Variants in EXOC1L observed in about 807,000 individuals in gnomAD.
The protein encoded by EXOC1L is exocyst complex component 1-like.
Under a neutral mutation model 4.9 loss-of-function variants are expected in EXOC1L, and 10 were observed. That is an observed-to-expected ratio of 2.02 (90% CI 1.25 to 3.43). The LOEUF (loss-of-function observed/expected upper bound fraction) is 3.43. Ranked by LOEUF, EXOC1L falls within the 30% of genes most tolerant of loss-of-function variation. The probability of loss-of-function intolerance (pLI) is 0.00; values close to 1 mark genes in which losing one functional copy is unlikely to be tolerated. For missense variants in EXOC1L, 114 were observed against 59.4 expected (o/e 1.92, Z -3.02); for synonymous variants, 41 against 20.8 (o/e 1.97, Z -2.63).
At chr4:55,824,273 T>TCTCACACA (rs762230810) in intron 1 of EXOC1L, among the ~76,000 whole-genome samples, 14 of 147,178 alleles carry the variant, frequency 9.5e-5, no homozygotes, top group Admixed American at 2.0e-4. Context: ...TCTCTCTCTC[T>TCTCACACA]CACACACACA....
At chr4:55,829,082 G>T (rs1424298145) in intron 1 of EXOC1L, among the ~76,000 whole-genome samples, 1 of 152,066 alleles carries the variant, frequency 6.6e-6, no homozygotes, top group Non-Finnish European at 1.5e-5. Context: ...TCAGTGTTTG[G>T]TTTTCATCCA....
chr4:55,837,158 C>A lies in EXOC1L; in HGVS notation c.326C>A (p.Ala109Asp). 1.4e-6 allele frequency: 1 copy of A among 701,960 alleles called. No homozygotes were observed. The allele number at this position is 701,960 out of a possible 1,614,324, so 43.5% of individuals were successfully genotyped here. Residue 109 changes from alanine to aspartate, a missense_variant, in exon 3 of 3, where the codon GCC (alanine) becomes GAC (aspartate). Coordinates refer to ENST00000636125, the MANE Select transcript of EXOC1L (RefSeq NM_001351574.3). ...LEAYSCASKY[A>D]FARTVNKLNH... ...GCATATAGCTGTGCTTCTAAATATG[C>A]CTTTGCTCGAACTGTAAATAAGCTG...
chr4:55,826,099 A>AG (rs1404684686), intron 1 of EXOC1L, among the ~76,000 whole-genome samples: 2 of 151,770 alleles, frequency 1.3e-5, no homozygotes, highest in East Asian at 1.9e-4. Flanking sequence ...AAAAAAAAAA[A>AG]AAAGAAAGAA....
intron 1 of EXOC1L, among the ~76,000 whole-genome samples, chr4:55,823,970 T>A (rs767756226): frequency 1.3e-5 from 2 of 152,172 alleles, no homozygotes; most frequent in Non-Finnish European, 2.9e-5. Context: ...TCTAATTTGA[T>A]GGTGTTTATT....
intron 2 of EXOC1L, among the ~76,000 whole-genome samples, chr4:55,832,702 C>A (rs73238363): frequency 0.054 from 8,155 of 152,038 alleles, 324 homozygotes; most frequent in Non-Finnish European, 0.083. Flanking sequence ...GAAAGTGAGA[C>A]TTAAAGAGAT....
intron 1 of EXOC1L, among the ~76,000 whole-genome samples, chr4:55,825,150 C>T (rs1348228676): frequency 6.6e-6 from 1 of 152,152 alleles, no homozygotes; most frequent in Non-Finnish European, 1.5e-5. Flanking sequence ...CATTTATATG[C>T]TTTATTCCTT....
At position 55,837,069 on chromosome 4, in the gene EXOC1L, T is replaced by C; in HGVS notation, c.253-16T>C. On this transcript the variant is annotated splice_polypyrimidine_tract_variant and intron_variant, in intron 2 of 2. Transcript: ENST00000636125. ...TCTTGGCTACCAACTAAATCATGTC[T>C]CTCATTCTCTTCCAGGACAATCCAT... 2 of 677,620 alleles carry C rather than the reference T, an allele frequency of 3.0e-6. No homozygotes were observed. Among genetic ancestry groups the C allele is most frequent in the Non-Finnish European group, 5.4e-6 (2 of 369,804 alleles). 42.0% of individuals were successfully genotyped at this position (677,620 alleles called of 1,614,324 possible). A position where few individuals can be genotyped will look rare whatever the true frequency, so the allele number is the denominator to read the frequency against.
In EXOC1L at chr4:55,826,427, T is replaced by C. The variant is rs542612366; in HGVS notation, c.122-4907T>C. On this transcript the variant is annotated intron_variant, in intron 1 of 2. Transcript: ENST00000636125. The stretch of plus-strand genomic sequence containing the variant: ...ATGAATAATAGTGACTATTTTACCA[T>C]GGTAATAGAGGCATTTATTAATGAC... Among the ~76,000 whole-genome samples, 170 of 152,322 alleles carry C rather than the reference T, an allele frequency of 1.1e-3. 1 individual carries two copies. Among genetic ancestry groups the C allele is most frequent in the Non-Finnish European group, 2.1e-3 (140 of 68,026 alleles).
intron 1 of EXOC1L, among the ~76,000 whole-genome samples, chr4:55,824,279 A>ACACACG (rs1253183865): frequency 3.3e-5 from 5 of 151,478 alleles, no homozygotes; most frequent in Non-Finnish European, 7.4e-5. Context: ...TCTCTCACAC[A>ACACACG]CACACACACA....
chr4:55,832,030 C>G (rs1701828697), intron 2 of EXOC1L, among the ~76,000 whole-genome samples: 1 of 152,040 alleles, frequency 6.6e-6, no homozygotes, highest in African/African-American at 2.4e-5. Flanking sequence ...CCACAATGCT[C>G]AAGTACTGGC....
intron 1 of EXOC1L, among the ~76,000 whole-genome samples, chr4:55,830,530 A>G (rs1258030732): frequency 6.6e-6 from 1 of 152,182 alleles, no homozygotes; most frequent in African/African-American, 2.4e-5. Flanking sequence ...TTATTATAAT[A>G]ACTCATTGAT....
At chr4:55,830,680 AAGTAT>A (rs551176518) in intron 1 of EXOC1L, among the ~76,000 whole-genome samples, 239 of 151,324 alleles carry the variant, frequency 1.6e-3, no homozygotes, top group Middle Eastern at 6.8e-3. Context: ...ATATCTTTCA[AAGTAT>A]AGTACTAAAA....
intron 1 of EXOC1L, among the ~76,000 whole-genome samples, chr4:55,828,511 C>T (rs534163576): frequency 7.0e-4 from 106 of 152,248 alleles, no homozygotes; most frequent in African/African-American, 2.5e-3. Context: ...TTTCTCTCAC[C>T]TCTTTCCTCT....
intron 1 of EXOC1L, among the ~76,000 whole-genome samples, chr4:55,830,364 T>C (rs1719995858): frequency 6.6e-6 from 1 of 152,120 alleles, no homozygotes; most frequent in African/African-American, 2.4e-5. Flanking sequence ...GCCACCTCTT[T>C]ATAATATGTT....
intron 1 of EXOC1L, among the ~76,000 whole-genome samples, chr4:55,824,891 C>T (rs1719842836): frequency 6.6e-6 from 1 of 152,110 alleles, no homozygotes; most frequent in Admixed American, 6.5e-5. Context: ...CAGTAACTTA[C>T]GAGACAGATT....
chr4:55,823,914 C>T (rs73151562), intron 1 of EXOC1L, among the ~76,000 whole-genome samples: 7,315 of 152,136 alleles, frequency 0.048, 467 homozygotes, highest in Admixed American at 0.18. Flanking sequence ...GGTTCTGCGA[C>T]AACACAGAAA....
chr4:55,837,029 G>T, intron 2 of EXOC1L, 56 bp from the exon 3 acceptor site: 1 of 610,618 alleles, frequency 1.6e-6, no homozygotes. Flanking sequence ...GAGAATCCAG[G>T]AAACCTAACT....
At chr4:55,830,111 A>C (rs1719987046) in intron 1 of EXOC1L, among the ~76,000 whole-genome samples, 1 of 152,168 alleles carries the variant, frequency 6.6e-6, no homozygotes, top group Non-Finnish European at 1.5e-5. Context: ...TCCTGCCTTA[A>C]CTACTCCGAT....
chr4:55,832,876 C>A (rs1362198702), intron 2 of EXOC1L, among the ~76,000 whole-genome samples: 1 of 152,022 alleles, frequency 6.6e-6, no homozygotes, highest in Non-Finnish European at 1.5e-5. Flanking sequence ...CCAGGCCCCA[C>A]TAGGCTCTGA....
Sources: gnomAD v4.1 joint callset for allele counts (sites outside exome capture counted in the v4.1 genomes callset) on GRCh38, gnomAD v4.1.1 for gene constraint, MANE v1.5 for transcripts, NCBI Gene and HGNC (gene_info 2026-07-23, HGNC 2026-07-21) for gene names.